Variants in SOX6 observed in about 807,000 individuals in gnomAD.
SOX6 encodes transcription factor SOX-6.
In SOX6, 11 loss-of-function variants were observed where a neutral mutation model predicts 97.8. The ratio of observed to expected loss-of-function variants is 0.11; its 90% confidence interval spans 0.07 to 0.19. The LOEUF is 0.19. Among genes scored for constraint, SOX6 ranks in the 10% least tolerant of loss-of-function variants. The pLI is 1.00. For synonymous variants in SOX6, 360 were observed against 371.4 expected (o/e 0.97, Z 0.35); for missense variants, 810 against 1,039.5 (o/e 0.78, Z 3.04).
intron 1 of SOX6, among the ~76,000 whole-genome samples, chr11:16,363,413 T>C (rs949414576): frequency 2.0e-5 from 3 of 152,136 alleles, no homozygotes; most frequent in Non-Finnish European, 4.4e-5. Flanking sequence ...AGAAGAGGGA[T>C]GTTCAATCCA....
intron 4 of SOX6, among the ~76,000 whole-genome samples, chr11:16,529,031 A>G (rs985088768): frequency 6.6e-6 from 1 of 152,060 alleles, no homozygotes; most frequent in Non-Finnish European, 1.5e-5. Flanking sequence ...GCTGCTCTCA[A>G]CACATTTTTT....
chr11:16,012,288 C>G (rs1854755212), intron 13 of SOX6, among the ~76,000 whole-genome samples: 1 of 152,032 alleles, frequency 6.6e-6, no homozygotes, highest in Admixed American at 6.6e-5. Flanking sequence ...TTGCAATCAG[C>G]TCAGCCTTGA....
At chr11:16,313,759 C>T (rs1855677512) in intron 3 of SOX6, 1 of 148,304 alleles carries the variant, frequency 6.7e-6, no homozygotes, top group Non-Finnish European at 1.5e-5. Flanking sequence ...CTCATTGCTC[C>T]CATGTCCAAA....
At chr11:16,220,652 C>A (rs1381143308) in intron 4 of SOX6, among the ~76,000 whole-genome samples, 1 of 151,930 alleles carries the variant, frequency 6.6e-6, no homozygotes, top group African/African-American at 2.4e-5. Context: ...TATCCAAATT[C>A]TCTTGTTCCT....
intron 9 of SOX6, among the ~76,000 whole-genome samples, chr11:16,064,928 CAGAA>C (rs748778673): frequency 2.6e-5 from 4 of 151,798 alleles, no homozygotes; most frequent in Non-Finnish European, 5.9e-5. Context: ...TGGAGAAAAA[CAGAA>C]AGCCTTTCCT....
chr11:16,412,454 C>A (rs1008145748), intron 1 of SOX6, among the ~76,000 whole-genome samples: 1 of 152,108 alleles, frequency 6.6e-6, no homozygotes, highest in African/African-American at 2.4e-5. Context: ...AAAAAACCAA[C>A]TCAAAGTAGC....
At chr11:16,125,676 C>G (rs1396416282) in intron 6 of SOX6, among the ~76,000 whole-genome samples, 1 of 151,994 alleles carries the variant, frequency 6.6e-6, no homozygotes, top group Non-Finnish European at 1.5e-5. Context: ...TCAGTGCAAT[C>G]ACAGCTGAAA....
At chr11:15,991,291 T>G (rs953778213) in intron 13 of SOX6, among the ~76,000 whole-genome samples, 3 of 152,206 alleles carry the variant, frequency 2.0e-5, no homozygotes, top group African/African-American at 7.2e-5. Flanking sequence ...TATATGGGTT[T>G]GACAGCCATG....
At chr11:16,097,333 T>C (rs950232072) in intron 8 of SOX6, among the ~76,000 whole-genome samples, 30 of 152,024 alleles carry the variant, frequency 2.0e-4, no homozygotes, top group African/African-American at 7.0e-4. Flanking sequence ...CTAACATGTA[T>C]GCAGTAACAA....
At chr11:16,303,142 T>C (rs1855316860) in intron 3 of SOX6, among the ~76,000 whole-genome samples, 1 of 152,216 alleles carries the variant, frequency 6.6e-6, no homozygotes, top group South Asian at 2.1e-4. Context: ...TTGTTATGTG[T>C]GTATATATGT....
At chr11:16,499,724 T>A (rs1327474560) in intron 4 of SOX6, among the ~76,000 whole-genome samples, 1 of 152,136 alleles carries the variant, frequency 6.6e-6, no homozygotes, top group Non-Finnish European at 1.5e-5. Context: ...AATGGATAAA[T>A]TCCTCGACAC....
At chr11:16,378,943 T>G (rs1230121080) in intron 1 of SOX6, among the ~76,000 whole-genome samples, 1 of 152,068 alleles carries the variant, frequency 6.6e-6, no homozygotes, top group Non-Finnish European at 1.5e-5. Flanking sequence ...TAAATATTTT[T>G]TATATATATT....
intron 4 of SOX6, chr11:16,484,190 T>G: frequency 1.3e-6 from 1 of 796,972 alleles, no homozygotes; most frequent in South Asian, 1.3e-5. Context: ...ATGGTTGAAG[T>G]TGGAGATGCC....
intron 2 of SOX6, among the ~76,000 whole-genome samples, chr11:16,318,917 T>C (rs1022226522): frequency 6.6e-6 from 1 of 152,160 alleles, no homozygotes; most frequent in African/African-American, 2.4e-5. Flanking sequence ...GCTTTTTAAA[T>C]ATAAAGCAGT....
intron 3 of SOX6, among the ~76,000 whole-genome samples, chr11:16,268,720 T>G (rs1854154804): frequency 1.3e-5 from 2 of 151,274 alleles, no homozygotes; most frequent in South Asian, 4.1e-4. Context: ...TTTTTACATT[T>G]GTTTTTTGAA....
In SOX6 at chr11:16,341,207, A is replaced by AGCT. The variant is rs1856622460; in HGVS notation, c.39_41dup (p.Ala14dup). 6.2e-7 allele frequency: 1 copy of AGCT among 1,613,464 alleles called. No individual in the cohort carries two copies. ...CCTGGGTCATTGCATCCTCTCCATC[A>AGCT]GCTGCACAGGCAAATGGAGAGGTGG... On this transcript the variant is annotated inframe_insertion, in exon 2 of 16. Coordinates refer to ENST00000683767, the MANE Select transcript of SOX6 (RefSeq NM_001367873.1).
At position 16,341,051 on chromosome 11, in the gene SOX6, A is replaced by T. The variant is rs756950448; in HGVS notation, c.198T>A (p.Asp66Glu). The change falls in exon 2 of 16, where the codon GAT (aspartate) becomes GAA (glutamate). Residue 66 changes from aspartate to glutamate, a missense_variant. Transcript: ENST00000683767. ...ATGACAGAACGCTGTCCCAGTCAGC[A>T]TCTTGTTGAATGGTACTGACAAGTG... is the stretch of plus-strand genomic sequence containing the variant. The part of the protein sequence containing the change: ...LPTLVSTIQQ[D>E]ADWDSVLSSQ... 1.2e-6 allele frequency: 2 copies of T among 1,613,474 alleles called. No homozygotes were observed. Among genetic ancestry groups the T allele is most frequent in the Non-Finnish European group, 1.7e-6 (2 of 1,179,526 alleles).
At chr11:16,401,060 A>T (rs542033262) in intron 1 of SOX6, among the ~76,000 whole-genome samples, 8 of 151,568 alleles carry the variant, frequency 5.3e-5, no homozygotes, top group Admixed American at 6.6e-5. Context: ...GCATTTTTCA[A>T]TTATATACCA....
intron 8 of SOX6, among the ~76,000 whole-genome samples, chr11:16,097,099 A>G (rs2133975152): frequency 6.6e-6 from 1 of 151,988 alleles, no homozygotes; most frequent in East Asian, 1.9e-4. Context: ...ATCAGACACC[A>G]TGCCCTGACT....
Sources: allele counts gnomAD v4.1 joint callset (sites outside exome capture counted in the v4.1 genomes callset), GRCh38; gene constraint gnomAD v4.1.1; transcripts MANE v1.5; gene names NCBI Gene and HGNC (gene_info 2026-07-23, HGNC 2026-07-21).